Variants in RPS6KA2 observed in about 807,000 individuals in gnomAD.
RPS6KA2 encodes ribosomal protein S6 kinase A2.
A neutral mutation model predicts 91.8 loss-of-function variants in RPS6KA2; 42 were observed. The ratio of observed to expected loss-of-function variants is 0.46; its 90% CI spans 0.36 to 0.59. The LOEUF is 0.59. Among genes scored for constraint, RPS6KA2 ranks in the 20% least tolerant of loss-of-function variants. The pLI, the probability that RPS6KA2 is intolerant of heterozygous loss-of-function variation, is 0.00. For synonymous variants in RPS6KA2, 414 were observed against 393.6 expected, an observed-to-expected ratio of 1.05 and a Z score of -0.61; for missense variants, 798 against 978.5, an observed-to-expected ratio of 0.82 and a Z score of 2.46.
intron 2 of RPS6KA2, among the ~76,000 whole-genome samples, chr6:166,722,273 G>A (rs1174681110): frequency 6.6e-6 from 1 of 152,172 alleles, no homozygotes; most frequent in African/African-American, 2.4e-5. Flanking sequence ...TGAGCTTGGA[G>A]ACTGGAGATC....
At chr6:166,619,094 G>A (rs1007811502) in intron 1 of RPS6KA2, among the ~76,000 whole-genome samples, 2 of 152,258 alleles carry the variant, frequency 1.3e-5, no homozygotes, top group East Asian at 1.9e-4. Context: ...GGCTCCCATC[G>A]ATGCCATCAG....
intron 2 of RPS6KA2, among the ~76,000 whole-genome samples, chr6:166,786,522 G>A (rs1783777643): frequency 6.6e-6 from 1 of 151,900 alleles, no homozygotes; most frequent in South Asian, 2.1e-4. Context: ...CATCAACAAA[G>A]ATTTGTAGAC....
At chr6:166,547,829 T>C (rs749654982) in intron 1 of RPS6KA2, among the ~76,000 whole-genome samples, 2 of 152,238 alleles carry the variant, frequency 1.3e-5, no homozygotes, top group Non-Finnish European at 2.9e-5. Context: ...ACCTGCCCTA[T>C]GGGGCAGACT....
rs142447156 is a variant in RPS6KA2 at position 166,680,751 on chromosome 6, A to G, written c.124-141967T>C. Among the ~76,000 whole-genome samples the G allele has an allele frequency of 4.6e-3, 694 of 152,344 alleles. 3 individuals are homozygous for G. Among genetic ancestry groups the G allele is most frequent in the African/African-American group, 0.014 (581 of 41,588 alleles). On this transcript the variant is annotated intron_variant, in intron 2 of 21. Coordinates refer to the RPS6KA2 transcript ENST00000503859. ...CTGAACATCTGAAGGAACAAGCTCC[A>G]GACATACCATCTTTAAGAACTGTAA... is the stretch of plus-strand genomic sequence containing the variant.
chr6:166,774,309 T>C (rs1034005866), intron 2 of RPS6KA2, among the ~76,000 whole-genome samples: 32 of 152,230 alleles, frequency 2.1e-4, no homozygotes, highest in Admixed American at 3.9e-4. Context: ...ATTTAGACAG[T>C]CATGGTCAGG....
At chr6:166,800,515 A>AAAGGCCCTTCCAC (rs1379252296) in intron 2 of RPS6KA2, among the ~76,000 whole-genome samples, 1 of 152,160 alleles carries the variant, frequency 6.6e-6, no homozygotes, top group Non-Finnish European at 1.5e-5. Flanking sequence ...GGACCTTACA[A>AAAGGCCCTTCCAC]AAGGCCCTTC....
chr6:166,531,361 C>G lies in RPS6KA2; in HGVS notation c.217-48G>C, dbSNP rs766863882. 5 of 1,401,636 alleles carry G rather than the reference C, an allele frequency of 3.6e-6. No individual in the cohort carries two copies. The African/African-American group carries it at 7.1e-5, about 20-fold the overall frequency. The allele number at this position is 1,401,636 out of a possible 1,614,324, so 86.8% of individuals were successfully genotyped here. On this transcript the variant is annotated intron_variant, in intron 2 of 20. Coordinates refer to ENST00000265678, the MANE Select transcript of RPS6KA2 (RefSeq NM_021135.6). ...TCAGAAACCCGTAAGACTTCAAACT[C>G]GCTTTCCATATTGGATTTGACAAGG...
At position 166,434,013 on chromosome 6, in the gene RPS6KA2, G is replaced by A. The variant is rs901016526; in HGVS notation, c.1333-1523C>T. Among the ~76,000 whole-genome samples the A allele has an allele frequency of 6.6e-5, 10 of 152,170 alleles. No homozygotes were observed. Among genetic ancestry groups the A allele is most frequent in the African/African-American group, 2.4e-4 (10 of 41,434 alleles). Reference sequence around the variant, plus strand: ...GGCTTCAAGTGATCCTCCTGCCTCAGCCTCCCAAAGTGCTGAGATTACAGG... The same window carrying A: ...GGCTTCAAGTGATCCTCCTGCCTCAACCTCCCAAAGTGCTGAGATTACAGG... On this transcript the variant is annotated intron_variant, in intron 14 of 20. Transcript: ENST00000265678. The surrounding 1 kb of genome is among the most constrained non-coding windows in gnomAD (Gnocchi z 4.4).
At chr6:166,688,647 G>A (rs905066917) in intron 2 of RPS6KA2, among the ~76,000 whole-genome samples, 11 of 152,234 alleles carry the variant, frequency 7.2e-5, no homozygotes, top group African/African-American at 2.7e-4. Flanking sequence ...TAGGGGGCGG[G>A]AAGGCGAGAG....
chr6:166,474,486 A>G (rs1780890731), intron 10 of RPS6KA2, among the ~76,000 whole-genome samples: 1 of 152,184 alleles, frequency 6.6e-6, no homozygotes, highest in Admixed American at 6.5e-5. Context: ...GTCTCAGAAT[A>G]TCTCATGAGT....
chr6:166,768,918 C>T (rs1487493214), intron 2 of RPS6KA2, among the ~76,000 whole-genome samples: 1 of 152,164 alleles, frequency 6.6e-6, no homozygotes, highest in Non-Finnish European at 1.5e-5. Context: ...CCACATGGCT[C>T]CGGGGGTTCT....
At chr6:166,451,384 G>A in intron 12 of RPS6KA2, 151 bp from the exon 13 acceptor site, 2 of 763,682 alleles carry the variant, frequency 2.6e-6, no homozygotes, top group Non-Finnish European at 4.2e-6. Context: ...CTGTGGTGGA[G>A]GAAAAGGTAA....
At chr6:166,644,880 T>A (rs1182070781) in intron 2 of RPS6KA2, among the ~76,000 whole-genome samples, 1 of 152,190 alleles carries the variant, frequency 6.6e-6, no homozygotes, top group Non-Finnish European at 1.5e-5. Flanking sequence ...GAGAGACACA[T>A]ACACACAGAG....
rs1438113753 is a variant in RPS6KA2 at position 166,494,267 on chromosome 6, T to C, written c.748-3526A>G. On this transcript the variant is annotated intron_variant, in intron 8 of 20. Coordinates refer to ENST00000265678, the MANE Select transcript of RPS6KA2 (RefSeq NM_021135.6). This position sits in a 1 kb window ranked among gnomAD's most constrained non-coding sequence, Gnocchi z 5.1. ...TCTAATCCGAGCTGCTCTCGCTCCGTGTGCTGCACCCCACTCCGAGTGCCA... is the reference window on the plus strand; with the variant it reads ...TCTAATCCGAGCTGCTCTCGCTCCGCGTGCTGCACCCCACTCCGAGTGCCA... Among the ~76,000 whole-genome samples, 1 of 152,116 alleles carries C rather than the reference T, an allele frequency of 6.6e-6. No individual in the cohort carries two copies. Among genetic ancestry groups the C allele is most frequent in the Non-Finnish European group, 1.5e-5 (1 of 68,010 alleles).
chr6:166,641,737 A>AAAAAAAAAAAAAAAAAAAAAAAAAAAAT (rs1787443130), intron 2 of RPS6KA2, among the ~76,000 whole-genome samples: 1 of 103,656 alleles, frequency 9.6e-6, no homozygotes, highest in Non-Finnish European at 2.0e-5. Context: ...AAAAAAAAAA[A>AAAAAAAAAAAAAAAAAAAAAAAAAAAAT]AAAAAAAAAA....
intron 2 of RPS6KA2, among the ~76,000 whole-genome samples, chr6:166,792,174 C>T (rs960846339): frequency 2.0e-5 from 3 of 152,160 alleles, no homozygotes; most frequent in African/African-American, 7.2e-5. Context: ...AAGGCGATAT[C>T]ATCACCAATC....
chr6:166,606,960 G>T (rs1785975618), intron 1 of RPS6KA2, among the ~76,000 whole-genome samples: 1 of 152,092 alleles, frequency 6.6e-6, no homozygotes, highest in African/African-American at 2.4e-5. Context: ...TGACCAACAG[G>T]GTGAAATCCT....
chr6:166,701,143 T>C (rs930775687), intron 2 of RPS6KA2: 188 of 1,611,928 alleles, frequency 1.2e-4, no homozygotes, highest in Non-Finnish European at 1.6e-4. Context: ...CTTCTGTTGT[T>C]GCTGCTGCTT....
intron 11 of RPS6KA2, among the ~76,000 whole-genome samples, chr6:166,467,163 C>T (rs1197788610): frequency 6.7e-6 from 1 of 149,362 alleles, no homozygotes; most frequent in Non-Finnish European, 1.5e-5. Flanking sequence ...CACTCATTAA[C>T]TCACTCACTC....
Sources: allele counts gnomAD v4.1 joint callset (sites outside exome capture counted in the v4.1 genomes callset), GRCh38; gene constraint gnomAD v4.1.1; non-coding constraint Gnocchi (gnomAD v3.1); transcripts MANE v1.5; gene names NCBI Gene and HGNC (gene_info 2026-07-23, HGNC 2026-07-21).